CCDC171: variants seen among roughly 807,000 people sequenced by gnomAD.
CCDC171 encodes coiled-coil domain-containing protein 171.
CCDC171 carries 177 observed loss-of-function variants against 168.2 expected under a neutral mutation model. The observed-to-expected ratio is 1.05, with a 90% CI of 0.93 to 1.19. The LOEUF (loss-of-function observed/expected upper bound fraction) is 1.19, where lower values mean the gene tolerates loss of function less well. Ranked by LOEUF, CCDC171 falls within the 50% of genes most tolerant of loss-of-function variation. The probability of loss-of-function intolerance (pLI) is 0.00; values close to 1 mark genes in which losing one functional copy is unlikely to be tolerated. For synonymous variants in CCDC171, 687 were observed against 540.8 expected (o/e 1.27, Z -3.75); for missense variants, 1,991 against 1,539.0 (o/e 1.29, Z -4.91).
intron 3 of CCDC171, among the ~76,000 whole-genome samples, chr9:15,984,023 A>G (rs1050238989): frequency 3.6e-5 from 3 of 83,170 alleles, no homozygotes; most frequent in African/African-American, 5.2e-5. Flanking sequence ...GACCAGGAGC[A>G]TCTGTAGTCC....
At chr9:15,824,488 A>C (rs543029844) in intron 21 of CCDC171, among the ~76,000 whole-genome samples, 39 of 151,874 alleles carry the variant, frequency 2.6e-4, no homozygotes, top group Non-Finnish European at 4.4e-4. Context: ...CCCTTTCAAC[A>C]GTTAGTGGTA....
intron 3 of CCDC171, among the ~76,000 whole-genome samples, chr9:15,982,421 A>T (rs376669075): frequency 6.4e-4 from 97 of 152,200 alleles, no homozygotes; most frequent in African/African-American, 2.3e-3. Flanking sequence ...GCATTACGTG[A>T]CAGAGTATTT....
At chr9:15,919,695 ATGTT>A (rs1825046220) in intron 24 of CCDC171, among the ~76,000 whole-genome samples, 1 of 151,560 alleles carries the variant, frequency 6.6e-6, no homozygotes, top group African/African-American at 2.4e-5. Flanking sequence ...GAACTTGCTT[ATGTT>A]AATTGTTTTA....
chr9:16,077,725 C>T, the CCDC171 span, among the ~76,000 whole-genome samples: 1 of 152,160 alleles, frequency 6.6e-6, no homozygotes, highest in Non-Finnish European at 1.5e-5. Flanking sequence ...TTGTTGCTTT[C>T]CACTGAGATT....
At chr9:15,823,931 T>A (rs2059904497) in intron 21 of CCDC171, among the ~76,000 whole-genome samples, 1 of 152,144 alleles carries the variant, frequency 6.6e-6, no homozygotes, top group African/African-American at 2.4e-5. Context: ...TAGACATTGG[T>A]AGACTTGAAA....
intron 21 of CCDC171, among the ~76,000 whole-genome samples, chr9:15,830,156 A>C (rs1385493757): frequency 6.6e-6 from 1 of 152,158 alleles, no homozygotes; most frequent in Non-Finnish European, 1.5e-5. Context: ...TATTTTCCTA[A>C]GTTACTAAGG....
intron 24 of CCDC171, among the ~76,000 whole-genome samples, chr9:15,891,881 A>G (rs1252699590): frequency 1.3e-5 from 2 of 152,122 alleles, no homozygotes; most frequent in Non-Finnish European, 2.9e-5. Flanking sequence ...AACAAGCACT[A>G]ATACGGGAAT....
Position 15,871,417 on chromosome 9 carries a change from G to A in CCDC171, c.3469-3115G>A, listed in dbSNP as rs1007798973. ...TTAATCTACAGACAGGTGACTGCTGGTGAATTTTATTCCTAATTCACACTA... is the reference window on the plus strand; with the variant it reads ...TTAATCTACAGACAGGTGACTGCTGATGAATTTTATTCCTAATTCACACTA... On this transcript the variant is annotated intron_variant, in intron 23 of 25. Coordinates refer to ENST00000380701, the MANE Select transcript of CCDC171 (RefSeq NM_173550.4). 4.0e-5 allele frequency among the ~76,000 whole-genome samples: 6 copies of A among 151,878 alleles called. No homozygotes were observed. In the South Asian group the frequency reaches 1.0e-3, roughly 26 times the overall value.
intron 6 of CCDC171, among the ~76,000 whole-genome samples, chr9:15,616,175 C>A (rs188931990): frequency 6.6e-6 from 1 of 152,160 alleles, no homozygotes; most frequent in South Asian, 2.1e-4. Flanking sequence ...TGGTCTCGAA[C>A]TCCTGATCTC....
chr9:15,765,902 C>A (rs187558117), intron 18 of CCDC171, among the ~76,000 whole-genome samples: 111 of 152,128 alleles, frequency 7.3e-4, no homozygotes, highest in African/African-American at 2.5e-3. Context: ...GCACTGACGG[C>A]TTTCTTATTT....
intron 21 of CCDC171, among the ~76,000 whole-genome samples, chr9:15,800,692 C>T (rs1487226200): frequency 6.6e-6 from 1 of 151,986 alleles, no homozygotes; most frequent in Non-Finnish European, 1.5e-5. Context: ...TTGCCCAAAC[C>T]AATTTCCTAG....
rs1157513343 is a variant in CCDC171, at chr9:15,863,855, G to A, written c.3469-10677G>A. 2.7e-5 allele frequency among the ~76,000 whole-genome samples: 4 copies of A among 150,730 alleles called. No homozygotes were observed. The South Asian group carries it at 8.4e-4, about 32-fold the overall frequency. On this transcript the variant is annotated intron_variant, in intron 23 of 25. Coordinates refer to ENST00000380701, the MANE Select transcript of CCDC171 (RefSeq NM_173550.4). Reference sequence around the variant, plus strand: ...TATAATCTGACAACTCTGGAAATAAGATTCTCCCCATCTCCAGGGTTGTTG... The same window carrying A: ...TATAATCTGACAACTCTGGAAATAAAATTCTCCCCATCTCCAGGGTTGTTG...
At chr9:15,806,905 G>A (rs185380389) in intron 21 of CCDC171, among the ~76,000 whole-genome samples, 1 of 152,076 alleles carries the variant, frequency 6.6e-6, no homozygotes, top group East Asian at 1.9e-4. Flanking sequence ...ATGTTTCTCA[G>A]AGGCTTTATT....
intron 1 of CCDC171, among the ~76,000 whole-genome samples, chr9:16,059,491 CTTTTTTTTTTTTTCTTTTT>C (rs1833895507): frequency 1.7e-5 from 2 of 117,328 alleles, no homozygotes; most frequent in Admixed American, 1.7e-4. Context: ...GATAGCAGGT[CTTTTTTTTTTTTTCTTTTT>C]TTTTTTTTTT....
intron 6 of CCDC171, among the ~76,000 whole-genome samples, chr9:15,612,958 G>A (rs1297649310): frequency 6.6e-6 from 1 of 152,152 alleles, no homozygotes; most frequent in Admixed American, 6.6e-5. Context: ...GTAGTGGGTG[G>A]TCCTAGGCTC....
chr9:16,026,805 T>G (rs1245644551), intron 6 of CCDC171, among the ~76,000 whole-genome samples: 2 of 152,206 alleles, frequency 1.3e-5, no homozygotes, highest in Non-Finnish European at 2.9e-5. Flanking sequence ...AATAAAGCAT[T>G]CACAAAAATG....
chr9:15,978,187 T>C (rs16933855), downstream of CCDC171, among the ~76,000 whole-genome samples: 11,860 of 152,164 alleles, frequency 0.078, 1,511 homozygotes, highest in African/African-American at 0.27. Flanking sequence ...TTGTAAATGC[T>C]TCTGTGGTTA....
At chr9:15,623,246 C>G (rs762496830) in intron 6 of CCDC171, 21 bp from the exon 7 acceptor site, 1 of 1,535,746 alleles carries the variant, frequency 6.5e-7, no homozygotes, top group African/African-American at 1.4e-5. Context: ...TTTATTGATG[C>G]AAAAATGAAT....
intron 4 of CCDC171, chr9:16,020,833 A>G (rs1052239774): frequency 2.6e-5 from 4 of 152,970 alleles, no homozygotes; most frequent in Non-Finnish European, 5.9e-5. Flanking sequence ...TATTTCTGAA[A>G]ATTTCCATGT....
Sources: allele counts gnomAD v4.1 joint callset (sites outside exome capture counted in the v4.1 genomes callset), GRCh38; gene constraint gnomAD v4.1.1; transcripts MANE v1.5; gene names NCBI Gene and HGNC (gene_info 2026-07-23, HGNC 2026-07-21).